The following FGD2 variants were observed in gnomAD, a reference collection of about 807,000 sequenced individuals.
The protein encoded by FGD2 is FYVE, RhoGEF and PH domain containing 2.
FGD2 carries 52 observed loss-of-function variants against 75.9 expected under a neutral mutation model. That is an observed-to-expected ratio of 0.69 (90% CI 0.55 to 0.86). The LOEUF (loss-of-function observed/expected upper bound fraction) is 0.86. Ranked by LOEUF, FGD2 falls within the 40% of genes least tolerant of loss-of-function variation. The pLI is 0.00. For synonymous variants in FGD2, 347 were observed against 348.6 expected (o/e 1.00, Z 0.05); for missense variants, 790 against 872.0 (o/e 0.91, Z 1.18).
In FGD2 at chr6:37,028,123, G is replaced by A. The variant is rs757982768; in HGVS notation, c.1928G>A (p.Trp643Ter). The change falls in exon 16 of 16, where the codon TGG becomes TAG. Residue 643 changes from tryptophan to a stop codon, truncating the protein, a stop_gained. Coordinates refer to ENST00000274963, the MANE Select transcript of FGD2 (RefSeq NM_173558.4). LOFTEE classifies it low-confidence loss of function (END_TRUNC). ...VKAMERAASG[W>*]SPSWPNDGDL... The stretch of plus-strand genomic sequence containing the variant: ...GCCATGGAGCGGGCGGCCAGTGGCT[G>A]GAGCCCCAGCTGGCCCAACGATGGG... 5.0e-6 allele frequency: 8 copies of A among 1,607,980 alleles called. No individual in the cohort carries two copies. In the East Asian group the frequency reaches 1.1e-4, roughly 22 times the overall value.
At chr6:37,025,753 C>T in intron 13 of FGD2, 39 bp from the exon 14 acceptor site, 1 of 1,611,466 alleles carries the variant, frequency 6.2e-7, no homozygotes, top group Non-Finnish European at 8.5e-7. Flanking sequence ...CCTCCGGTGC[C>T]TGGTCTCAGC....
At chr6:37,014,549 CA>C in intron 6 of FGD2, 96 bp from the exon 7 acceptor site, 3 of 1,400,028 alleles carry the variant, frequency 2.1e-6, no homozygotes. Flanking sequence ...GCTGTCATGG[CA>C]GGTCCTGAGG....
chr6:37,022,410 AC>A, intron 13 of FGD2, 40 bp downstream of exon 13: 1 of 1,526,454 alleles, frequency 6.6e-7, no homozygotes, highest in Non-Finnish European at 8.8e-7. Flanking sequence ...CACCTGCGTC[AC>A]CCAGGCCTCC....
chr6:37,009,989 G>A (rs1327195479), intron 2 of FGD2: 2 of 150,418 alleles, frequency 1.3e-5, no homozygotes, highest in Non-Finnish European at 3.0e-5. Context: ...ACTCTAGCCT[G>A]GGTGACAGAG....
Position 37,015,776 on chromosome 6 carries a change from C to T in FGD2, c.1038C>T (p.Asn346=). 2 of 1,589,886 alleles carry T rather than the reference C, an allele frequency of 1.3e-6. No homozygotes were observed. The highest frequency in any genetic ancestry group is 1.7e-6 in the Non-Finnish European group (2 of 1,168,812). The change falls in exon 9 of 16, where the codon AAC becomes AAT. Residue 346 remains asparagine, a synonymous_variant. Coordinates refer to ENST00000274963, the MANE Select transcript of FGD2 (RefSeq NM_173558.4). ...GCCTGTGTCTCCTGCAGTTCAACAA[C>T]ATGCTGCTCTACTGTGTGCCCAGGG... is the stretch of plus-strand genomic sequence containing the variant. The part of the protein sequence containing the change: ...PMERYLFLFN[N]MLLYCVPRVI...
At chr6:37,014,162 C>A in intron 6 of FGD2, 62 bp downstream of exon 6, 2 of 1,541,820 alleles carry the variant, frequency 1.3e-6, no homozygotes, top group Non-Finnish European at 8.7e-7. Flanking sequence ...CATATACTTA[C>A]TGAGCTCCTG....
At position 37,022,376 on chromosome 6, in the gene FGD2, TACTCCTGCCAGC is replaced by T. The variant is rs1561940139; in HGVS notation, c.1458+16_1458+27del. ...ACTGCCGGGCCTGCGGCTATGTGAG[TACTCCTGCCAGC>T]ACTCCTGCCTCCACCTGCGTCACCC... On this transcript the variant is annotated splice_region_variant and intron_variant, in intron 13 of 15. Transcript: ENST00000274963. 1.3e-6 allele frequency: 2 copies of T among 1,568,574 alleles called. No individual in the cohort carries two copies. The highest frequency in any genetic ancestry group is 1.7e-6 in the Non-Finnish European group (2 of 1,160,344).
At chr6:37,021,960 T>G (rs780017137) in intron 12 of FGD2, 17 of 507,264 alleles carry the variant, frequency 3.4e-5, no homozygotes, top group Non-Finnish European at 5.9e-5. Flanking sequence ...ATATCTGTGG[T>G]TTGAGTTCAG....
rs59713417 is a variant in FGD2, at chr6:37,016,534, A to ATTT, written c.1122+689_1122+691dup. On this transcript the variant is annotated intron_variant, in intron 9 of 15. Transcript: ENST00000274963. Reference sequence around the variant, plus strand: ...TGCAGGGGCTGTTAGAATCTTCTGGATTTTTTTTTTTTTTTTTGAGACCGA... The same window carrying ATTT: ...TGCAGGGGCTGTTAGAATCTTCTGGATTTTTTTTTTTTTTTTTTTTGAGACCGA... Among the ~76,000 whole-genome samples the ATTT allele has an allele frequency of 5.4e-3, 739 of 136,752 alleles. 6 individuals carry two copies. Among genetic ancestry groups the ATTT allele is most frequent in the African/African-American group, 0.019 (685 of 36,504 alleles). The allele number at this position is 136,752 out of a possible 152,430, so 89.7% of individuals were successfully genotyped here.
rs535368103 is a variant in FGD2 at position 37,014,882 on chromosome 6, A to G, written c.883-10A>G. ...CCAGACTTGGCTGAGGATGCACCCC[A>G]ACCCCCTAGGAGCGGCTGCAGGACC... On this transcript the variant is annotated splice_polypyrimidine_tract_variant and intron_variant, in intron 7 of 15. Transcript: ENST00000274963. The G allele has an allele frequency of 1.5e-4, 240 of 1,612,916 alleles. 2 individuals carry two copies. In the South Asian group the frequency reaches 1.6e-3, roughly 11 times the overall value.
Position 37,022,356 on chromosome 6 carries a change from C to A in FGD2, c.1444C>A (p.Arg482=), listed in dbSNP as rs780657307. 5 of 1,583,174 alleles carry A rather than the reference C, an allele frequency of 3.2e-6. No homozygotes were observed. Among genetic ancestry groups the A allele is most frequent in the East Asian group, 2.4e-5 (1 of 42,166 alleles). ...NALTRRRHHC[R]ACGYVVCARC... ...TCTGACGCGCCGTCGCCACCACTGC[C>A]GGGCCTGCGGCTATGTGAGTACTCC... is the stretch of plus-strand genomic sequence containing the variant. Residue 482 remains arginine, a synonymous_variant, in exon 13 of 16, where the codon CGG becomes AGG. Coordinates refer to ENST00000274963, the MANE Select transcript of FGD2 (RefSeq NM_173558.4).
chr6:37,024,534 AG>A (rs1765728026), intron 13 of FGD2: 1 of 152,186 alleles, frequency 6.6e-6, no homozygotes, highest in African/African-American at 2.4e-5. Context: ...AGAGAGACAG[AG>A]AGCAAATGTG....
chr6:37,018,791 A>G (rs1367919719), intron 9 of FGD2, among the ~76,000 whole-genome samples: 1 of 152,212 alleles, frequency 6.6e-6, no homozygotes, highest in African/African-American at 2.4e-5. Context: ...TCTTGTTCCA[A>G]CAATATCTAG....
intron 1 of FGD2, among the ~76,000 whole-genome samples, chr6:37,006,590 C>T (rs1376191317): frequency 6.6e-6 from 1 of 151,868 alleles, no homozygotes; most frequent in Non-Finnish European, 1.5e-5. Flanking sequence ...ATTGGTAGCC[C>T]TGGGAGCATG....
At chr6:37,009,127 C>T (rs755321595) in intron 2 of FGD2, 62 bp downstream of exon 2, 2 of 1,478,636 alleles carry the variant, frequency 1.4e-6, no homozygotes. Flanking sequence ...CTGACCTCCC[C>T]TCCACACATG....
At chr6:37,023,705 T>C (rs910829907) in intron 13 of FGD2, 1 of 152,252 alleles carries the variant, frequency 6.6e-6, no homozygotes, top group Non-Finnish European at 1.5e-5. Context: ...GGAACACACC[T>C]GCCTTCAGAT....
rs386406733 is a variant in FGD2 at position 37,028,615 on chromosome 6, C to CTTTT, written c.*466_*469dup. The CTTTT allele has an allele frequency of 0.089, 7,003 of 78,708 alleles. 1,211 individuals are homozygous for CTTTT. Among genetic ancestry groups the CTTTT allele is most frequent in the African/African-American group, 0.1 (1,865 of 18,046 alleles). 4.9% of individuals were successfully genotyped at this position (78,708 alleles called of 1,614,324 possible). A position where few individuals can be genotyped will look rare whatever the true frequency, so the allele number is the denominator to read the frequency against. ...GGCTGAGTTGGGGGAGGCATGGGGT[C>CTTTT]TTTTTTTTTTTTTTTTTGAGACAGA... On this transcript the variant is annotated 3_prime_UTR_variant, in exon 16 of 16. Coordinates refer to ENST00000274963, the MANE Select transcript of FGD2 (RefSeq NM_173558.4).
intron 2 of FGD2, 95 bp downstream of exon 2, chr6:37,009,160 T>G: frequency 3.3e-6 from 4 of 1,228,594 alleles, no homozygotes; most frequent in Non-Finnish European, 3.4e-6. Context: ...GAGCCAGCAG[T>G]TCCCCAGGTG....
In FGD2 at chr6:37,020,887, C is replaced by CGT. The variant is rs1561938376; in HGVS notation, c.1233+148_1233+149insGT. ...AAGGGGAGGGAGTGGTGTATGTATG[C>CGT]ATGTGTGTGTGTGTGTGTGTGTGTG... On this transcript the variant is annotated intron_variant, in intron 11 of 15. Transcript: ENST00000274963. The CGT allele has an allele frequency of 1.1e-5, 8 of 697,238 alleles. No homozygotes were observed. In the African/African-American group the frequency reaches 2.5e-4, roughly 22 times the overall value. The allele number at this position is 697,238 out of a possible 1,614,324, so 43.2% of individuals were successfully genotyped here. A position where few individuals can be genotyped will look rare whatever the true frequency, so the allele number is the denominator to read the frequency against.
Sources: gnomAD v4.1 joint callset for allele counts (sites outside exome capture counted in the v4.1 genomes callset) on GRCh38, gnomAD v4.1.1 for gene constraint, MANE v1.5 for transcripts, NCBI Gene and HGNC (gene_info 2026-07-23, HGNC 2026-07-21) for gene names.